IKZF2: variants seen among roughly 807,000 people sequenced by gnomAD.
The protein encoded by IKZF2 is zinc finger protein Helios.
Under a neutral mutation model 49.2 loss-of-function variants are expected in IKZF2, and 15 were observed. The ratio of observed to expected loss-of-function variants is 0.30; its 90% CI spans 0.20 to 0.47. IKZF2 has a LOEUF of 0.47. IKZF2 is among the 20% of genes least tolerant of loss of function. IKZF2 has a pLI of 1.00. For synonymous variants in IKZF2, 227 were observed against 221.4 expected, an observed-to-expected ratio of 1.03 and a Z score of -0.23; for missense variants, 567 against 664.6, an observed-to-expected ratio of 0.85 and a Z score of 1.61.
intron 5 of IKZF2, among the ~76,000 whole-genome samples, chr2:213,055,667 G>A (rs1231882410): frequency 1.3e-5 from 2 of 152,000 alleles, no homozygotes; most frequent in Admixed American, 1.3e-4. Flanking sequence ...AACAAAACCA[G>A]TATGGGCATC....
intron 4 of IKZF2, among the ~76,000 whole-genome samples, chr2:213,072,037 T>C (rs1007613142): frequency 6.6e-6 from 1 of 152,098 alleles, no homozygotes; most frequent in South Asian, 2.1e-4. Context: ...TCAAAAATAA[T>C]AGCTTGGTTA....
At chr2:213,135,504 C>A (rs2060623803) in intron 4 of IKZF2, among the ~76,000 whole-genome samples, 1 of 151,600 alleles carries the variant, frequency 6.6e-6, no homozygotes, top group Non-Finnish European at 1.5e-5. Flanking sequence ...CTGGACAACA[C>A]AGTAAGATAG....
At chr2:213,040,688 G>A (rs1192052553) in intron 6 of IKZF2, among the ~76,000 whole-genome samples, 1 of 152,062 alleles carries the variant, frequency 6.6e-6, no homozygotes, top group Non-Finnish European at 1.5e-5. Context: ...AGTAAAAGGT[G>A]TAATATATAT....
chr2:213,021,376 T>G (rs1263036256), intron 7 of IKZF2: 3 of 154,392 alleles, frequency 1.9e-5, no homozygotes, highest in African/African-American at 4.8e-5. Context: ...CTGAAATTCA[T>G]TATTTTCCTA....
rs966180826 is a variant in IKZF2 at position 213,003,403 on chromosome 2, A to G, written c.*3957T>C. On this transcript the variant is annotated 3_prime_UTR_variant, in exon 9 of 9. Transcript: ENST00000434687. ...AATTTTCTGGTTTAGAATAGTCTTC[A>G]TTCAGATAGTATTTATTAAAATAAT... The G allele has an allele frequency of 6.6e-6, 1 of 151,700 alleles. No individual in the cohort carries two copies. Among genetic ancestry groups the G allele is most frequent in the African/African-American group, 2.4e-5 (1 of 41,366 alleles). 9.4% of individuals were successfully genotyped at this position (151,700 alleles called of 1,614,324 possible).
At chr2:213,037,449 G>A (rs1258859852) in intron 6 of IKZF2, among the ~76,000 whole-genome samples, 1 of 152,188 alleles carries the variant, frequency 6.6e-6, no homozygotes, top group South Asian at 2.1e-4. Flanking sequence ...ATAACGAAGA[G>A]TAGATACATA....
chr2:213,017,277 G>C (rs1398489904), intron 7 of IKZF2, among the ~76,000 whole-genome samples: 1 of 152,032 alleles, frequency 6.6e-6, no homozygotes, highest in African/African-American at 2.4e-5. Flanking sequence ...CATAAATTAT[G>C]ATGGATCCTG....
At chr2:213,103,612 T>C (rs994153056) in intron 4 of IKZF2, among the ~76,000 whole-genome samples, 1 of 152,176 alleles carries the variant, frequency 6.6e-6, no homozygotes, top group African/African-American at 2.4e-5. Flanking sequence ...AAAGGAAATG[T>C]CTTCTTACAA....
chr2:213,144,683 A>T (rs1362559758), intron 4 of IKZF2, among the ~76,000 whole-genome samples: 1 of 151,994 alleles, frequency 6.6e-6, no homozygotes, highest in Non-Finnish European at 1.5e-5. Context: ...CATCCCTGAC[A>T]CCGAAGATTG....
At chr2:213,020,999 G>A (rs1036611590) in intron 7 of IKZF2, among the ~76,000 whole-genome samples, 1 of 152,110 alleles carries the variant, frequency 6.6e-6, no homozygotes, top group African/African-American at 2.4e-5. Flanking sequence ...GCTCACCTGA[G>A]GTCAGGAGTT....
chr2:213,012,607 C>T lies in IKZF2; in HGVS notation c.856+1184G>A, dbSNP rs1285851899. ...GGGGCTTCAACTGACATAATATAAA[C>T]TATGGCCCTTATAGTCACCCTTAGG... On this transcript the variant is annotated intron_variant, in intron 8 of 8. Transcript: ENST00000434687. Among the ~76,000 whole-genome samples the T allele has an allele frequency of 2.0e-5, 3 of 152,080 alleles. No individual in the cohort carries two copies. In the East Asian group the frequency reaches 5.8e-4, roughly 29 times the overall value.
intron 5 of IKZF2, among the ~76,000 whole-genome samples, chr2:213,054,547 G>A (rs1485901283): frequency 2.0e-5 from 3 of 152,124 alleles, no homozygotes; most frequent in Non-Finnish European, 4.4e-5. Context: ...GTATAAACTG[G>A]ATCATCAGAA....
At chr2:213,090,289 T>C (rs1705155045) in intron 4 of IKZF2, among the ~76,000 whole-genome samples, 1 of 152,158 alleles carries the variant, frequency 6.6e-6, no homozygotes, top group Non-Finnish European at 1.5e-5. Flanking sequence ...GAGTCAGAAC[T>C]ATCTCAATCT....
At chr2:213,057,384 T>A (rs1701264150) in intron 4 of IKZF2, among the ~76,000 whole-genome samples, 1 of 152,176 alleles carries the variant, frequency 6.6e-6, no homozygotes, top group African/African-American at 2.4e-5. Flanking sequence ...CAAGTTTTTT[T>A]AATAATCCTG....
intron 4 of IKZF2, among the ~76,000 whole-genome samples, chr2:213,083,805 C>T (rs1158566805): frequency 1.3e-5 from 2 of 150,818 alleles, no homozygotes; most frequent in African/African-American, 4.9e-5. Context: ...TCCCATCACC[C>T]CCAGACTATC....
chr2:213,124,865 C>G (rs2060208417), intron 4 of IKZF2, among the ~76,000 whole-genome samples: 1 of 152,194 alleles, frequency 6.6e-6, no homozygotes, highest in Non-Finnish European at 1.5e-5. Flanking sequence ...TCCTTACATC[C>G]TGCACAAGGT....
At chr2:213,054,933 A>G (rs13416689) in intron 5 of IKZF2, among the ~76,000 whole-genome samples, 70,221 of 151,896 alleles carry the variant, frequency 0.46, 18,778 homozygotes, top group East Asian at 0.76. Flanking sequence ...TTATTATTTT[A>G]TTTACAAATT....
At chr2:213,045,724 T>C (rs1244659219) in intron 6 of IKZF2, among the ~76,000 whole-genome samples, 1 of 152,174 alleles carries the variant, frequency 6.6e-6, no homozygotes, top group African/African-American at 2.4e-5. Flanking sequence ...CTGAAATAGA[T>C]CCTCCATTGT....
intron 4 of IKZF2, among the ~76,000 whole-genome samples, chr2:213,073,509 G>C (rs1574729975): frequency 6.6e-6 from 1 of 152,178 alleles, no homozygotes; most frequent in African/African-American, 2.4e-5. Context: ...AGGTTTTAGA[G>C]TATGACAGTT....
Sources: allele counts gnomAD v4.1 joint callset (sites outside exome capture counted in the v4.1 genomes callset), GRCh38; gene constraint gnomAD v4.1.1; transcripts MANE v1.5; gene names NCBI Gene and HGNC (gene_info 2026-07-23, HGNC 2026-07-21).